Variants in TAS2R1 observed in about 807,000 individuals in gnomAD.
TAS2R1 encodes taste receptor type 2 member 1.
For missense variants in TAS2R1, 370 were observed against 353.4 expected (o/e 1.05, Z -0.38); for synonymous variants, 141 against 134.2 (o/e 1.05, Z -0.35).
chr5:9,791,612 T>C, the TAS2R1 span, among the ~76,000 whole-genome samples: 6 of 152,072 alleles, frequency 3.9e-5, no homozygotes, highest in Admixed American at 2.0e-4. Flanking sequence ...GGCAAGAGAA[T>C]TGCTTGAACC....
chr5:9,629,191 T>G lies in TAS2R1; in HGVS notation c.842A>C (p.Asn281Thr). ...TTTTGCATTTTGTTTCAATTTAGGA[T>G]TTCCTAAAATTAAGATGAGAGAGTG... ...SGHSLILILGNPKLKQNAKKF... is the reference protein window; with the variant it reads ...SGHSLILILGTPKLKQNAKKF... Residue 281 changes from asparagine to threonine, a missense_variant, in exon 1 of 1, where the codon AAT (asparagine) becomes ACT (threonine). Coordinates refer to ENST00000382492, the MANE Select transcript of TAS2R1 (RefSeq NM_019599.3). 1.3e-6 allele frequency: 2 copies of G among 1,593,000 alleles called. No homozygotes were observed. The highest frequency in any genetic ancestry group is 1.7e-6 in the Non-Finnish European group (2 of 1,172,972).
the TAS2R1 span, among the ~76,000 whole-genome samples, chr5:9,859,858 A>C: frequency 6.6e-6 from 1 of 152,234 alleles, no homozygotes; most frequent in East Asian, 1.9e-4. Context: ...AATAATTCTT[A>C]CCTCTCTCAC....
At chr5:9,770,269 G>A in the TAS2R1 span, among the ~76,000 whole-genome samples, 12 of 152,188 alleles carry the variant, frequency 7.9e-5, no homozygotes, top group Non-Finnish European at 1.5e-4. Flanking sequence ...ATTGGTCTAT[G>A]TGTCTGTTTT....
the TAS2R1 span, among the ~76,000 whole-genome samples, chr5:9,735,383 G>A: frequency 9.2e-5 from 14 of 151,436 alleles, 1 homozygote; most frequent in African/African-American, 3.2e-4. Context: ...TTGCCAATGC[G>A]TGAGAGAATA....
intron 1 of TAS2R1, among the ~76,000 whole-genome samples, chr5:9,665,694 G>A (rs1179687879): frequency 1.3e-5 from 2 of 152,192 alleles, no homozygotes; most frequent in Non-Finnish European, 2.9e-5. Context: ...ATAAAATAAT[G>A]TCTGCCTCTA....
At chr5:9,732,401 A>C in the TAS2R1 span, among the ~76,000 whole-genome samples, 1 of 152,172 alleles carries the variant, frequency 6.6e-6, no homozygotes, top group African/African-American at 2.4e-5. Flanking sequence ...ACTAAGGCAG[A>C]AGAATAACCA....
chr5:9,645,866 C>T (rs1466656571), intron 2 of TAS2R1, among the ~76,000 whole-genome samples: 2 of 152,158 alleles, frequency 1.3e-5, no homozygotes, highest in African/African-American at 4.8e-5. Context: ...CAGAATATGT[C>T]AGCCTCAGAA....
the TAS2R1 span, among the ~76,000 whole-genome samples, chr5:9,738,271 T>C: frequency 3.3e-5 from 5 of 152,106 alleles, no homozygotes; most frequent in African/African-American, 4.8e-5. Flanking sequence ...CCTGATCCAA[T>C]TGGGGCTGGA....
chr5:9,649,459 A>G (rs1740261452), intron 2 of TAS2R1, among the ~76,000 whole-genome samples: 1 of 152,188 alleles, frequency 6.6e-6, no homozygotes, highest in South Asian at 2.1e-4. Flanking sequence ...TTGCACAGGG[A>G]GACTCCAGCT....
At chr5:9,873,491 T>C in the TAS2R1 span, among the ~76,000 whole-genome samples, 1 of 150,594 alleles carries the variant, frequency 6.6e-6, no homozygotes, top group Non-Finnish European at 1.5e-5. Context: ...CATATCAACC[T>C]AATTCACAAC....
At chr5:9,711,522 C>T (rs1037453719) in intron 1 of TAS2R1, among the ~76,000 whole-genome samples, 6 of 152,050 alleles carry the variant, frequency 3.9e-5, no homozygotes, top group South Asian at 2.1e-4. Context: ...GAGGTGGAAA[C>T]GGGGAGGTGT....
chr5:9,882,647 T>C, the TAS2R1 span, among the ~76,000 whole-genome samples: 2,901 of 152,018 alleles, frequency 0.019, 79 homozygotes, highest in African/African-American at 0.063. Context: ...AATAAATTAA[T>C]TAATAAATAA....
At chr5:9,892,122 C>A in the TAS2R1 span, among the ~76,000 whole-genome samples, 1 of 152,216 alleles carries the variant, frequency 6.6e-6, no homozygotes, top group African/African-American at 2.4e-5. Flanking sequence ...ATCCCTTTGA[C>A]CCAGGAGGGG....
the TAS2R1 span, among the ~76,000 whole-genome samples, chr5:9,814,425 A>G: frequency 2.6e-5 from 4 of 152,164 alleles, no homozygotes; most frequent in African/African-American, 9.7e-5. Context: ...GAAATCAAAC[A>G]TGGTTACTGT....
chr5:9,651,918 G>A (rs570892973), intron 2 of TAS2R1, among the ~76,000 whole-genome samples: 4 of 152,222 alleles, frequency 2.6e-5, no homozygotes, highest in African/African-American at 9.6e-5. Context: ...TGTACCAGTG[G>A]CACACATCAC....
At chr5:9,834,793 G>C in the TAS2R1 span, among the ~76,000 whole-genome samples, 135,657 of 151,276 alleles carry the variant, frequency 0.9, 60,838 homozygotes, top group African/African-American at 0.92. Flanking sequence ...GCCCATCTTT[G>C]TAGTCCAGGC....
chr5:9,682,808 A>G (rs1407415261), intron 1 of TAS2R1, among the ~76,000 whole-genome samples: 5 of 152,154 alleles, frequency 3.3e-5, no homozygotes, highest in African/African-American at 9.7e-5. Flanking sequence ...TACAACCCCA[A>G]TGAGGACACC....
chr5:9,651,291 A>C (rs989106419), intron 2 of TAS2R1, among the ~76,000 whole-genome samples: 1 of 152,194 alleles, frequency 6.6e-6, no homozygotes, highest in African/African-American at 2.4e-5. Context: ...ATTAACATAA[A>C]TCTGTGCAGT....
At chr5:9,872,303 T>TA in the TAS2R1 span, among the ~76,000 whole-genome samples, 3 of 152,200 alleles carry the variant, frequency 2.0e-5, no homozygotes, top group Non-Finnish European at 4.4e-5. Context: ...TCTAGACTGT[T>TA]ATGATTGGCT....
Sources: gnomAD v4.1 joint callset for allele counts (sites outside exome capture counted in the v4.1 genomes callset) on GRCh38, gnomAD v4.1.1 for gene constraint, MANE v1.5 for transcripts, NCBI Gene and HGNC (gene_info 2026-07-23, HGNC 2026-07-21) for gene names.